The following DUSP9 variants were observed in gnomAD, a reference collection of about 807,000 sequenced individuals.
DUSP9 encodes dual specificity protein phosphatase 9.
Under a neutral mutation model 13.2 loss-of-function variants are expected in DUSP9, and 4 were observed. That is an observed-to-expected ratio of 0.30 (90% CI 0.15 to 0.69). The LOEUF (loss-of-function observed/expected upper bound fraction) is 0.69. Ranked by LOEUF, DUSP9 falls within the 30% of genes least tolerant of loss-of-function variation. DUSP9 has a pLI of 0.73. For missense variants in DUSP9, 263 were observed against 355.0 expected (o/e 0.74, Z 2.08); for synonymous variants, 166 against 172.3 (o/e 0.96, Z 0.29).
At chrX:153,647,185 C>T (rs1204551823), upstream of DUSP9, 4 of 111,992 alleles carry the variant, frequency 3.6e-5, no homozygotes, top group African/African-American at 9.7e-5. Flanking sequence ...TGTAACTCCA[C>T]GTCCGAAGGC....
chrX:153,646,373 G>A (rs1306868110), upstream of DUSP9, among the ~76,000 whole-genome samples: 1 of 112,354 alleles, frequency 8.9e-6, no homozygotes, highest in Non-Finnish European at 1.9e-5. Context: ...GGTCGTTGCA[G>A]GCCCGGAGGC....
At chrX:153,647,186 G>A (rs1348367901), upstream of DUSP9, 4 of 102,648 alleles carry the variant, frequency 3.9e-5, no homozygotes, top group Non-Finnish European at 8.0e-5. Context: ...GTAACTCCAC[G>A]TCCGAAGGCA....
chrX:153,642,787 C>T (rs782661988), upstream of DUSP9, among the ~76,000 whole-genome samples: 2 of 110,588 alleles, frequency 1.8e-5, no homozygotes, highest in South Asian at 7.8e-4. Flanking sequence ...CACCCCCGCA[C>T]GCCGCCCGTG....
upstream of DUSP9, among the ~76,000 whole-genome samples, chrX:153,646,589 T>C: frequency 9.0e-6 from 1 of 110,920 alleles, no homozygotes. Context: ...GGATCAGTAA[T>C]GTGATAAGAG....
At chrX:153,643,714 G>A, upstream of DUSP9, 1 of 265,971 alleles carries the variant, frequency 3.8e-6, no homozygotes, top group South Asian at 3.6e-5. Context: ...CTGCCTGCGT[G>A]TGTGTTACGG....
chrX:153,649,402 T>A lies in DUSP9; in HGVS notation c.544T>A (p.Ser182Thr). 8.3e-7 allele frequency: 1 copy of A among 1,211,506 alleles called. No individual in the cohort carries two copies. The highest frequency in any genetic ancestry group is 1.8e-5 in the South Asian group (1 of 57,036). ...TGCGGAATCCGAGGCTGACCGCGAC[T>A]CCATGAGCTGTGGCCTGGATTCGGA... ...SDAESEADRD[S>T]MSCGLDSEGA... The change falls in exon 3 of 4, where the codon TCC (serine) becomes ACC (threonine). Residue 182 changes from serine (S) to threonine (T), a missense_variant. Ser to Thr is a moderately conservative substitution (Grantham distance 58). Coordinates refer to ENST00000342782, the MANE Select transcript of DUSP9 (RefSeq NM_001318503.2).
upstream of DUSP9, chrX:153,647,080 C>G (rs1007964553): frequency 7.1e-5 from 8 of 113,179 alleles, no homozygotes; most frequent in Non-Finnish European, 1.5e-4. Context: ...TCAGCCGACT[C>G]GCAGGTCCCA....
intron 3 of DUSP9, 79 bp from the exon 4 acceptor site, chrX:153,649,901 T>C: frequency 9.1e-7 from 1 of 1,104,494 alleles, no homozygotes; most frequent in Admixed American, 2.5e-5. Context: ...GGGCGGGGCC[T>C]TTGAGGGCCC....
rs782343611 is a variant in DUSP9, at chrX:153,649,533, G to A, written c.675G>A (p.Leu225=). 10 of 1,211,999 alleles carry A rather than the reference G, an allele frequency of 8.3e-6. No homozygotes were observed. The Admixed American group carries it at 2.2e-4, about 26-fold the overall frequency. ...GGGATTCCGCCAATTTGGAGAGCCT[G>A]GCCAAACTGGGCATCCGCTACATCC... ...SARDSANLES[L]AKLGIRYILN... The change falls in exon 3 of 4, where the codon CTG becomes CTA. Residue 225 remains leucine, a synonymous_variant. Coordinates refer to ENST00000342782, the MANE Select transcript of DUSP9 (RefSeq NM_001318503.2).
rs782046120 is a variant in DUSP9, at chrX:153,650,184, G to A, written c.1034G>A (p.Arg345Gln). 14 of 1,210,972 alleles carry A rather than the reference G, an allele frequency of 1.2e-5. No homozygotes were observed. Among genetic ancestry groups the A allele is most frequent in the South Asian group, 7.0e-5 (4 of 56,975 alleles). The change falls in exon 4 of 4, where the codon CGG (arginine) becomes CAG (glutamine). Residue 345 changes from arginine (R) to glutamine (Q), a missense_variant. Arg to Gln is a conservative substitution (Grantham distance 43). Transcript: ENST00000342782. ...TTGCTGGACTTTGAGCGCAGCTTGC[G>A]GCTGGAGGAGCGCCACTCGCAGGAG... is the stretch of plus-strand genomic sequence containing the variant. ...GQLLDFERSL[R>Q]LEERHSQEQG...
At chrX:153,643,798 C>G (rs2091177634), upstream of DUSP9, among the ~76,000 whole-genome samples, 1 of 112,702 alleles carries the variant, frequency 8.9e-6, no homozygotes, top group South Asian at 3.6e-4. Context: ...GAAGGAAAAG[C>G]AGGAGCAGCT....
At position 153,648,286 on chromosome X, in the gene DUSP9, G is replaced by A; in HGVS notation, c.333G>A (p.Gln111=). ...AGTCGGTGCTGGGCACCCTGCTGCAGAAGCTGCGAGAGGAAGGCTACCTGG... is the reference window on the plus strand; with the variant it reads ...AGTCGGTGCTGGGCACCCTGCTGCAAAAGCTGCGAGAGGAAGGCTACCTGG... ...EAESVLGTLL[Q]KLREEGYLAY... is the part of the protein sequence containing the mutation. Residue 111 remains glutamine, a synonymous_variant, in exon 2 of 4, where the codon CAG becomes CAA. Transcript: ENST00000342782. 1 of 1,136,718 alleles carries A rather than the reference G, an allele frequency of 8.8e-7. No individual in the cohort carries two copies. Among genetic ancestry groups the A allele is most frequent in the Non-Finnish European group, 1.2e-6 (1 of 863,966 alleles). The allele number at this position is 1,136,718 out of a possible 1,213,427, so 93.7% of individuals were successfully genotyped here.
In DUSP9 at chrX:153,648,113, C is replaced by G; in HGVS notation, c.160C>G (p.Leu54Val). ...VALPALLLRR[L>V]RRGSLSVRAL... is the part of the protein sequence containing the mutation. ...CCTGCCGGCGCTCCTGCTGCGCCGCCTGCGGAGGGGCAGCCTGTCGGTGCG... is the reference window on the plus strand; with the variant it reads ...CCTGCCGGCGCTCCTGCTGCGCCGCGTGCGGAGGGGCAGCCTGTCGGTGCG... The change falls in exon 2 of 4, where the codon CTG becomes GTG. Residue 54 changes from leucine (L) to valine (V), a missense_variant. By Grantham distance (32) the Leu-to-Val change is conservative. Transcript: ENST00000342782. The G allele has an allele frequency of 1.0e-6, 1 of 998,544 alleles. No individual in the cohort carries two copies. The highest frequency in any genetic ancestry group is 1.3e-6 in the Non-Finnish European group (1 of 794,855). The allele number at this position is 998,544 out of a possible 1,213,427, so 82.3% of individuals were successfully genotyped here. A position where few individuals can be genotyped will look rare whatever the true frequency, so the allele number is the denominator to read the frequency against.
chrX:153,649,514 C>T lies in DUSP9; in HGVS notation c.656C>T (p.Ser219Phe), dbSNP rs1274772319. The T allele has an allele frequency of 2.5e-6, 3 of 1,210,894 alleles. No homozygotes were observed. The Admixed American group carries it at 6.5e-5, about 26-fold the overall frequency. ...PNLYLGSARD[S>F]ANLESLAKLG... The stretch of plus-strand genomic sequence containing the variant: ...CTCTATCTGGGCAGTGCCCGGGATT[C>T]CGCCAATTTGGAGAGCCTGGCCAAA... The change falls in exon 3 of 4, where the codon TCC becomes TTC. Residue 219 changes from serine (S) to phenylalanine (F), a missense_variant. Ser to Phe is a radical substitution (Grantham distance 155). Transcript: ENST00000342782.
intron 2 of DUSP9, 150 bp from the exon 3 acceptor site, chrX:153,649,082 C>A: frequency 3.6e-6 from 2 of 551,475 alleles, no homozygotes; most frequent in Non-Finnish European, 5.8e-6. Context: ...ACGTGGGTAC[C>A]AGGACACACC....
upstream of DUSP9, chrX:153,643,526 A>G (rs1557035094): frequency 5.9e-6 from 2 of 340,661 alleles, no homozygotes; most frequent in Non-Finnish European, 1.2e-5. Flanking sequence ...TTGGGGTCCA[A>G]GGTAGGGTAC....
chrX:153,643,028 C>T (rs1374766507), upstream of DUSP9, among the ~76,000 whole-genome samples: 2 of 107,871 alleles, frequency 1.9e-5, no homozygotes, highest in African/African-American at 3.4e-5. Flanking sequence ...ACATAGCTCC[C>T]CCTACCATGC....
At chrX:153,642,456 A>AGCG (rs1374327151), upstream of DUSP9, 1 of 113,369 alleles carries the variant, frequency 8.8e-6, no homozygotes, top group East Asian at 2.8e-4. Context: ...TTCCCTCCGC[A>AGCG]GCGGCGGCGG....
At chrX:153,643,390 A>G (rs1417663046), upstream of DUSP9, 3 of 319,040 alleles carry the variant, frequency 9.4e-6, no homozygotes, top group Non-Finnish European at 1.2e-5. Flanking sequence ...CATCCCTGCC[A>G]GGCACCTCTG....
Sources: allele counts gnomAD v4.1 joint callset (sites outside exome capture counted in the v4.1 genomes callset), GRCh38; gene constraint gnomAD v4.1.1; transcripts MANE v1.5; gene names NCBI Gene and HGNC (gene_info 2026-07-23, HGNC 2026-07-21).